Variants in ANGPT1 observed in about 807,000 individuals in gnomAD.
The protein encoded by ANGPT1 is angiopoietin 1, also known as angiopoietin-1.
In ANGPT1, 17 loss-of-function variants were observed where a neutral mutation model predicts 62.2. That is an observed-to-expected ratio of 0.27 (90% CI 0.19 to 0.41). ANGPT1 has a LOEUF of 0.41. ANGPT1 is among the 10% of genes least tolerant of loss of function. The pLI, the probability that ANGPT1 is intolerant of heterozygous loss-of-function variation, is 1.00. For synonymous variants in ANGPT1, 199 were observed against 198.9 expected, an observed-to-expected ratio of 1.00 and a Z score of 0.00; for missense variants, 478 against 594.9, an observed-to-expected ratio of 0.80 and a Z score of 2.04.
In ANGPT1 at chr8:107,497,627, GT is replaced by G; in HGVS notation, c.-70del. The G allele has an allele frequency of 6.8e-7, 1 of 1,470,490 alleles. No homozygotes were observed. The highest frequency in any genetic ancestry group is 9.1e-7 in the Non-Finnish European group (1 of 1,094,794). 91.1% of individuals were successfully genotyped at this position (1,470,490 alleles called of 1,614,324 possible). On this transcript the variant is annotated 5_prime_UTR_variant, in exon 1 of 9. It removes the in-frame stop codon of an upstream open reading frame in the 5' UTR. Transcript: ENST00000517746. ...TCCTTTCTTCTGACCTCTAAAACTAGTTCTTTATTTCAGGTAAAACTGCTTG... is the reference window on the plus strand; with the variant it reads ...TCCTTTCTTCTGACCTCTAAAACTAGTCTTTATTTCAGGTAAAACTGCTTG...
At chr8:107,327,473 T>C (rs1001052233) in intron 3 of ANGPT1, among the ~76,000 whole-genome samples, 5 of 152,122 alleles carry the variant, frequency 3.3e-5, no homozygotes, top group African/African-American at 1.2e-4. Context: ...ACACAAAACC[T>C]GGATGGTTAC....
intron 7 of ANGPT1, among the ~76,000 whole-genome samples, chr8:107,275,525 A>G (rs1586178935): frequency 1.3e-5 from 2 of 152,086 alleles, no homozygotes; most frequent in East Asian, 3.9e-4. Flanking sequence ...GTCACAGCAC[A>G]TTTGTGATTG....
At chr8:107,390,552 G>A (rs908387700) in intron 1 of ANGPT1, among the ~76,000 whole-genome samples, 1 of 152,136 alleles carries the variant, frequency 6.6e-6, no homozygotes, top group East Asian at 1.9e-4. Context: ...TAAATCATCA[G>A]ACACTCTGTA....
At chr8:107,400,132 T>C (rs1261281880) in intron 1 of ANGPT1, among the ~76,000 whole-genome samples, 2 of 152,154 alleles carry the variant, frequency 1.3e-5, no homozygotes, top group Non-Finnish European at 2.9e-5. Flanking sequence ...CCTCCATTTG[T>C]GGGAAGTCAT....
At chr8:107,430,495 T>A (rs139821323) in intron 1 of ANGPT1, among the ~76,000 whole-genome samples, 85 of 152,320 alleles carry the variant, frequency 5.6e-4, no homozygotes, top group Admixed American at 9.8e-4. Flanking sequence ...TTTTTCTAGA[T>A]TGCATCCGTG....
intron 1 of ANGPT1, among the ~76,000 whole-genome samples, chr8:107,426,356 A>G (rs1187651499): frequency 2.6e-5 from 4 of 152,242 alleles, no homozygotes; most frequent in Non-Finnish European, 5.9e-5. Flanking sequence ...TGGATGATTA[A>G]TCAGCATTCT....
intron 1 of ANGPT1, among the ~76,000 whole-genome samples, chr8:107,449,344 T>C (rs1811700308): frequency 6.6e-6 from 1 of 151,756 alleles, no homozygotes; most frequent in Admixed American, 6.6e-5. Flanking sequence ...CAGAGCTTTT[T>C]ACTGACTTTA....
At chr8:107,410,483 T>G (rs1173424301) in intron 1 of ANGPT1, among the ~76,000 whole-genome samples, 2 of 152,126 alleles carry the variant, frequency 1.3e-5, no homozygotes, top group Non-Finnish European at 2.9e-5. Context: ...ATCAAAAACT[T>G]GTGTTTTCTA....
At chr8:107,387,621 G>A (rs963047762) in intron 1 of ANGPT1, among the ~76,000 whole-genome samples, 4 of 112,822 alleles carry the variant, frequency 3.5e-5, no homozygotes, top group African/African-American at 1.1e-4. Flanking sequence ...GCTCAAGATT[G>A]TGAATAATTG....
intron 2 of ANGPT1, among the ~76,000 whole-genome samples, chr8:107,340,228 A>T (rs1230382334): frequency 6.6e-6 from 1 of 152,230 alleles, no homozygotes; most frequent in East Asian, 1.9e-4. Context: ...AAAAAAAAGA[A>T]AATTTTTAAA....
At chr8:107,394,623 G>A (rs920886463) in intron 1 of ANGPT1, among the ~76,000 whole-genome samples, 1 of 152,104 alleles carries the variant, frequency 6.6e-6, no homozygotes, top group Non-Finnish European at 1.5e-5. Flanking sequence ...CTATCTGGAG[G>A]TAACATGATA....
intron 1 of ANGPT1, among the ~76,000 whole-genome samples, chr8:107,418,541 A>G (rs1192171677): frequency 1.3e-5 from 2 of 152,214 alleles, no homozygotes; most frequent in Non-Finnish European, 2.9e-5. Context: ...ATGCTTCTTT[A>G]GATATTTGTA....
At chr8:107,466,901 A>G (rs1429714995) in intron 1 of ANGPT1, among the ~76,000 whole-genome samples, 1 of 151,960 alleles carries the variant, frequency 6.6e-6, no homozygotes. Flanking sequence ...AACAAGCTCC[A>G]TCTCAAAAAA....
intron 1 of ANGPT1, among the ~76,000 whole-genome samples, chr8:107,376,661 C>G (rs2916082): frequency 0.74 from 111,741 of 151,940 alleles, 42,161 homozygotes; most frequent in East Asian, 0.87. Context: ...AAGGCCTAGC[C>G]AAACTGTGGC....
intron 4 of ANGPT1, among the ~76,000 whole-genome samples, chr8:107,317,453 T>TATA (rs1186029221): frequency 6.6e-6 from 1 of 152,146 alleles, no homozygotes; most frequent in Non-Finnish European, 1.5e-5. Context: ...TATGTAAGTT[T>TATA]ATAATACAGT....
chr8:107,284,129 T>G (rs1814081447), intron 7 of ANGPT1: 1 of 152,216 alleles, frequency 6.6e-6, no homozygotes, highest in African/African-American at 2.4e-5. Flanking sequence ...TCATGTATTA[T>G]GTATATTGAT....
At chr8:107,470,462 TCA>T (rs2130495999) in intron 1 of ANGPT1, among the ~76,000 whole-genome samples, 1 of 143,952 alleles carries the variant, frequency 6.9e-6, no homozygotes, top group East Asian at 2.1e-4. Flanking sequence ...CCTGGCAAAT[TCA>T]TTTTTCTATG....
chr8:107,480,765 G>A (rs1812654906), intron 1 of ANGPT1, among the ~76,000 whole-genome samples: 1 of 152,118 alleles, frequency 6.6e-6, no homozygotes, highest in Admixed American at 6.6e-5. Flanking sequence ...AGTTTTCAAT[G>A]GAAATTTTAA....
At chr8:107,416,271 A>G (rs1810741415) in intron 1 of ANGPT1, among the ~76,000 whole-genome samples, 1 of 152,206 alleles carries the variant, frequency 6.6e-6, no homozygotes, top group Non-Finnish European at 1.5e-5. Context: ...TGGAGTTCCC[A>G]TGATTCCCTC....
Sources: allele counts gnomAD v4.1 joint callset (sites outside exome capture counted in the v4.1 genomes callset), GRCh38; gene constraint gnomAD v4.1.1; transcripts MANE v1.5; gene names NCBI Gene and HGNC (gene_info 2026-07-23, HGNC 2026-07-21).